The following MYT1L variants were observed in gnomAD, a reference collection of about 807,000 sequenced individuals.
MYT1L encodes myelin transcription factor 1-like protein.
A neutral mutation model predicts 126.7 loss-of-function variants in MYT1L; 12 were observed. The ratio of observed to expected loss-of-function variants is 0.09; its 90% CI spans 0.06 to 0.15. MYT1L has a LOEUF of 0.15. MYT1L is among the 10% of genes least tolerant of loss of function. The pLI is 1.00. For missense variants in MYT1L, 979 were observed against 1,585.2 expected (o/e 0.62, Z 6.49); for synonymous variants, 541 against 604.2 (o/e 0.90, Z 1.53).
At chr2:2,227,929 C>T (rs1200347975) in intron 2 of MYT1L, among the ~76,000 whole-genome samples, 2 of 152,190 alleles carry the variant, frequency 1.3e-5, no homozygotes, top group African/African-American at 4.8e-5. Flanking sequence ...CTGTGATTTA[C>T]ATATTAGCTT....
intron 2 of MYT1L, among the ~76,000 whole-genome samples, chr2:2,188,288 G>T (rs895404713): frequency 2.0e-5 from 3 of 152,146 alleles, no homozygotes; most frequent in Admixed American, 6.5e-5. Flanking sequence ...GTTTTGTTTA[G>T]AATTCTAAAA....
intron 3 of MYT1L, among the ~76,000 whole-genome samples, chr2:2,153,142 T>G (rs2086093420): frequency 1.3e-5 from 2 of 152,060 alleles, no homozygotes; most frequent in African/African-American, 4.8e-5. Flanking sequence ...TACTAAAGAT[T>G]TAAACAATTA....
chr2:2,089,575 C>T (rs1474500154), intron 3 of MYT1L, among the ~76,000 whole-genome samples: 1 of 152,194 alleles, frequency 6.6e-6, no homozygotes, highest in East Asian at 1.9e-4. Flanking sequence ...AAGTCTTAAA[C>T]ATCAGCAGAG....
At chr2:2,293,835 C>T (rs528947902) in intron 1 of MYT1L, among the ~76,000 whole-genome samples, 2 of 152,198 alleles carry the variant, frequency 1.3e-5, no homozygotes, top group Non-Finnish European at 2.9e-5. Flanking sequence ...AGATGTGGGA[C>T]GAGATCCTTG....
intron 8 of MYT1L, among the ~76,000 whole-genome samples, chr2:1,964,747 T>C (rs2059210228): frequency 6.6e-6 from 1 of 152,198 alleles, no homozygotes; most frequent in Non-Finnish European, 1.5e-5. Context: ...AGAGTGATCC[T>C]CAGAGCCCTC....
At position 1,844,141 on chromosome 2, in the gene MYT1L, C is replaced by T. The variant is rs73913438; in HGVS notation, c.2775-3298G>A. On this transcript the variant is annotated intron_variant, in intron 19 of 24. Transcript: ENST00000647738. ...TGGGCAGCTCGGCACCTGTGCCCCA[C>T]GGGGTCCTCTCTTCCACACGCCGTA... 2.6e-5 allele frequency among the ~76,000 whole-genome samples: 4 copies of T among 152,092 alleles called. No homozygotes were observed. In the East Asian group the frequency reaches 5.8e-4, roughly 22 times the overall value.
intron 8 of MYT1L, among the ~76,000 whole-genome samples, chr2:1,945,257 C>T (rs2057100785): frequency 1.3e-5 from 2 of 152,088 alleles, no homozygotes; most frequent in South Asian, 4.2e-4. Context: ...CTCAATAATG[C>T]AATTAAAATG....
At chr2:2,269,396 G>GCA (rs2095214292) in intron 2 of MYT1L, among the ~76,000 whole-genome samples, 1 of 152,182 alleles carries the variant, frequency 6.6e-6, no homozygotes, top group South Asian at 2.1e-4. Context: ...GCATCTCTCA[G>GCA]TGTCTTTGCT....
At chr2:1,963,766 C>T (rs1264523124) in intron 8 of MYT1L, among the ~76,000 whole-genome samples, 1 of 152,238 alleles carries the variant, frequency 6.6e-6, no homozygotes, top group Non-Finnish European at 1.5e-5. Flanking sequence ...CTTACCTTCA[C>T]AGAACTGAAG....
At chr2:1,870,891 AG>A (rs1252254003) in intron 18 of MYT1L, among the ~76,000 whole-genome samples, 1 of 152,234 alleles carries the variant, frequency 6.6e-6, no homozygotes, top group East Asian at 1.9e-4. Flanking sequence ...CAGTGTGTGG[AG>A]ACCCAGCTCT....
chr2:2,247,404 G>C (rs2094554692), intron 2 of MYT1L, among the ~76,000 whole-genome samples: 1 of 152,164 alleles, frequency 6.6e-6, no homozygotes, highest in African/African-American at 2.4e-5. Context: ...TAGAGCGAAA[G>C]AGACAGATAG....
At chr2:2,276,780 ACTC>A (rs1484498016) in intron 2 of MYT1L, among the ~76,000 whole-genome samples, 2 of 150,908 alleles carry the variant, frequency 1.3e-5, no homozygotes, top group African/African-American at 2.4e-5. Flanking sequence ...CCTGCTTTCT[ACTC>A]CTCCTCATGA....
intron 2 of MYT1L, among the ~76,000 whole-genome samples, chr2:2,197,860 T>TA (rs1481784579): frequency 3.5e-5 from 5 of 143,612 alleles, no homozygotes; most frequent in African/African-American, 1.3e-4. Flanking sequence ...GTACCTAACA[T>TA]ACACACATAT....
Position 1,925,082 on chromosome 2 carries a change from C to T in MYT1L, c.506-1819G>A, listed in dbSNP as rs529913189. On this transcript the variant is annotated intron_variant, in intron 9 of 24. Coordinates refer to ENST00000647738, the MANE Select transcript of MYT1L (RefSeq NM_001303052.2). ...CACTATGTCTATGAAGACCCAACCACGAGATGAATGATAAGCTATGATTTG... is the reference window on the plus strand; with the variant it reads ...CACTATGTCTATGAAGACCCAACCATGAGATGAATGATAAGCTATGATTTG... 5.3e-5 allele frequency among the ~76,000 whole-genome samples: 8 copies of T among 152,224 alleles called. No homozygotes were observed. The South Asian group carries it at 1.5e-3, about 28-fold the overall frequency.
At chr2:2,141,896 G>A (rs766371370) in intron 3 of MYT1L, among the ~76,000 whole-genome samples, 3 of 152,086 alleles carry the variant, frequency 2.0e-5, no homozygotes, top group Non-Finnish European at 4.4e-5. Flanking sequence ...TAGGGAGACC[G>A]ACTCAGTCAA....
At chr2:2,282,879 AGCCTG>A (rs2095468672) in intron 2 of MYT1L, among the ~76,000 whole-genome samples, 1 of 152,236 alleles carries the variant, frequency 6.6e-6, no homozygotes, top group South Asian at 2.1e-4. Flanking sequence ...GTTGGAGACC[AGCCTG>A]GCCAACATGG....
intron 23 of MYT1L, chr2:1,795,577 C>T (rs13387965): frequency 0.043 from 6,511 of 152,374 alleles, 150 homozygotes; most frequent in East Asian, 0.071. Context: ...CAGGTGCTTA[C>T]GCAGGGAGGG....
intron 4 of MYT1L, among the ~76,000 whole-genome samples, chr2:2,016,447 C>T (rs556304164): frequency 1.3e-5 from 2 of 152,334 alleles, no homozygotes; most frequent in African/African-American, 2.4e-5. Flanking sequence ...GCACACGAAA[C>T]CCTAGCTCAA....
chr2:2,152,966 C>T (rs2086058496), intron 3 of MYT1L, among the ~76,000 whole-genome samples: 2 of 152,110 alleles, frequency 1.3e-5, no homozygotes, highest in African/African-American at 2.4e-5. Flanking sequence ...GTGAGCCTGG[C>T]TTTTATAGCA....
Sources: gnomAD v4.1 joint callset for allele counts (sites outside exome capture counted in the v4.1 genomes callset) on GRCh38, gnomAD v4.1.1 for gene constraint, MANE v1.5 for transcripts, NCBI Gene and HGNC (gene_info 2026-07-23, HGNC 2026-07-21) for gene names.